SUMF1: variants seen among roughly 807,000 people sequenced by gnomAD.
SUMF1 encodes the protein formylglycine-generating enzyme.
A neutral mutation model predicts 47.6 loss-of-function variants in SUMF1; 48 were observed. The ratio of observed to expected loss-of-function variants is 1.01; its 90% CI spans 0.80 to 1.28. The LOEUF (loss-of-function observed/expected upper bound fraction) is 1.28. Among genes scored for constraint, SUMF1 ranks in the 50% most tolerant of loss-of-function variants. The pLI is 0.00. For synonymous variants in SUMF1, 230 were observed against 192.1 expected, an observed-to-expected ratio of 1.20 and a Z score of -1.63; for missense variants, 571 against 485.4, an observed-to-expected ratio of 1.18 and a Z score of -1.66.
At chr3:4,148,722 G>A (rs1011994991) in intron 8 of SUMF1, among the ~76,000 whole-genome samples, 1 of 152,078 alleles carries the variant, frequency 6.6e-6, no homozygotes, top group African/African-American at 2.4e-5. Context: ...AACAGTCAAT[G>A]GACCACATTT....
At chr3:4,245,993 C>A (rs1009456931) in intron 8 of SUMF1, among the ~76,000 whole-genome samples, 1 of 152,218 alleles carries the variant, frequency 6.6e-6, no homozygotes, top group Admixed American at 6.5e-5. Flanking sequence ...TGCCAAGCTC[C>A]AGCGTCCCAG....
At chr3:4,163,389 AGGGAGGGAGGG>A (rs1359342146) in intron 8 of SUMF1, among the ~76,000 whole-genome samples, 2 of 7,506 alleles carry the variant, frequency 2.7e-4, no homozygotes, top group African/African-American at 8.1e-4. Context: ...GAAGGGAGGG[AGGGAGGGAGGG>A]AGGGAGGGAG....
At chr3:4,316,662 C>T (rs767314686) in intron 8 of SUMF1, 14 of 1,551,024 alleles carry the variant, frequency 9.0e-6, no homozygotes, top group South Asian at 5.9e-5. Flanking sequence ...ATTTCTCGAT[C>T]GGATTGTGAC....
intron 8 of SUMF1, among the ~76,000 whole-genome samples, chr3:4,143,988 CTTT>C (rs10598580): frequency 1.8e-4 from 15 of 85,618 alleles, no homozygotes; most frequent in South Asian, 7.3e-4. Context: ...TCTTCTCTCT[CTTT>C]TTTTTTTTTT....
In SUMF1 at chr3:4,335,615, C is replaced by T. The variant is rs533756279; in HGVS notation, c.1014+40715G>A. ...ACCTCTGAAGGGAGAAGCTCCCAGA[C>T]CTCAGCAAATCATCCCAATAGTCAT... is the stretch of plus-strand genomic sequence containing the variant. On this transcript the variant is annotated intron_variant and NMD_transcript_variant, in intron 8 of 12. Transcript: ENST00000448413. Among the ~76,000 whole-genome samples the T allele has an allele frequency of 3.7e-4, 56 of 152,228 alleles. 1 individual carries two copies. Among genetic ancestry groups the T allele is most frequent in the Non-Finnish European group, 3.1e-4 (21 of 68,010 alleles).
At chr3:4,035,472 T>A (rs949562530) in intron 9 of SUMF1, among the ~76,000 whole-genome samples, 1 of 152,218 alleles carries the variant, frequency 6.6e-6, no homozygotes, top group Non-Finnish European at 1.5e-5. Flanking sequence ...GTGATTGGAT[T>A]AAGATCCCAA....
intron 8 of SUMF1, among the ~76,000 whole-genome samples, chr3:4,322,624 C>T (rs1462584648): frequency 6.6e-6 from 1 of 150,880 alleles, no homozygotes; most frequent in Admixed American, 6.6e-5. Context: ...CCTACCACTG[C>T]ACTTCAGCCT....
chr3:4,172,639 G>C (rs1694858480), intron 8 of SUMF1, among the ~76,000 whole-genome samples: 1 of 152,186 alleles, frequency 6.6e-6, no homozygotes, highest in Non-Finnish European at 1.5e-5. Flanking sequence ...CTGCAGAAAT[G>C]TCTTCTTTTG....
chr3:4,118,559 A>C (rs1319447441), intron 8 of SUMF1, among the ~76,000 whole-genome samples: 1 of 152,154 alleles, frequency 6.6e-6, no homozygotes, highest in East Asian at 1.9e-4. Context: ...AAAACAAAGT[A>C]GTTTTCAAGT....
chr3:4,314,097 C>A (rs1017737080), intron 8 of SUMF1: 4 of 393,514 alleles, frequency 1.0e-5, no homozygotes, highest in African/African-American at 4.1e-5. Context: ...ATGACTGGAA[C>A]TGGAGCAGTC....
chr3:4,277,228 C>G (rs913006950), intron 8 of SUMF1, among the ~76,000 whole-genome samples: 4 of 152,042 alleles, frequency 2.6e-5, no homozygotes, highest in African/African-American at 9.7e-5. Context: ...ATAGTCTAAT[C>G]ACATTATTTA....
chr3:4,301,027 A>C (rs1697953120), intron 8 of SUMF1, among the ~76,000 whole-genome samples: 1 of 145,320 alleles, frequency 6.9e-6, no homozygotes, highest in African/African-American at 2.6e-5. Flanking sequence ...TATATATATA[A>C]TTTTTATGAG....
At chr3:4,465,416 T>C (rs545780787) in intron 1 of SUMF1, among the ~76,000 whole-genome samples, 15 of 151,514 alleles carry the variant, frequency 9.9e-5, no homozygotes, top group African/African-American at 3.2e-4. Flanking sequence ...GAGGTGGAGA[T>C]TGCAGTGAGC....
intron 8 of SUMF1, among the ~76,000 whole-genome samples, chr3:4,343,914 C>T (rs979054219): frequency 2.0e-5 from 3 of 152,154 alleles, no homozygotes; most frequent in Admixed American, 2.0e-4. Context: ...ACATATTCAT[C>T]AGTAGGGAAA....
chr3:4,365,055 G>A (rs1461501811), intron 8 of SUMF1, among the ~76,000 whole-genome samples: 1 of 151,756 alleles, frequency 6.6e-6, no homozygotes, highest in East Asian at 1.9e-4. Context: ...CTGAGTTCTA[G>A]TTTGATTGCA....
chr3:4,293,216 TGGAAGA>T (rs1697775368), intron 8 of SUMF1, among the ~76,000 whole-genome samples: 2 of 152,080 alleles, frequency 1.3e-5, no homozygotes, highest in Admixed American at 1.3e-4. Context: ...TAACTGGAAG[TGGAAGA>T]GTTACATATT....
intron 8 of SUMF1, among the ~76,000 whole-genome samples, chr3:4,230,675 A>G (rs751020859): frequency 2.6e-5 from 4 of 152,020 alleles, no homozygotes; most frequent in Non-Finnish European, 5.9e-5. Flanking sequence ...GATTAGCTCA[A>G]TCTTCAGCCC....
intron 8 of SUMF1, among the ~76,000 whole-genome samples, chr3:4,109,563 A>C (rs1051138949): frequency 9.2e-5 from 14 of 152,188 alleles, no homozygotes; most frequent in Admixed American, 2.0e-4. Flanking sequence ...CAGGTACACC[A>C]ATCAGACGTA....
intron 8 of SUMF1, among the ~76,000 whole-genome samples, chr3:4,170,222 C>G (rs1229796860): frequency 6.6e-6 from 1 of 152,164 alleles, no homozygotes; most frequent in Admixed American, 6.5e-5. Context: ...TATTTACTAT[C>G]TGGCTAGTTA....
Sources: gnomAD v4.1 joint callset for allele counts (sites outside exome capture counted in the v4.1 genomes callset) on GRCh38, gnomAD v4.1.1 for gene constraint, MANE v1.5 for transcripts, NCBI Gene and HGNC (gene_info 2026-07-23, HGNC 2026-07-21) for gene names.